DPP8: variants seen among roughly 807,000 people sequenced by gnomAD.
DPP8 encodes the protein dipeptidyl peptidase 8.
Under a neutral mutation model 107.5 loss-of-function variants are expected in DPP8, and 31 were observed. The ratio of observed to expected loss-of-function variants is 0.29; its 90% confidence interval spans 0.22 to 0.39. The LOEUF (loss-of-function observed/expected upper bound fraction) is 0.39, where lower values mean the gene tolerates loss of function less well. Among genes scored for constraint, DPP8 ranks in the 10% least tolerant of loss-of-function variants. The probability of loss-of-function intolerance (pLI) is 1.00; values close to 1 mark genes in which losing one functional copy is unlikely to be tolerated. For synonymous variants in DPP8, 381 were observed against 356.6 expected, an observed-to-expected ratio of 1.07 and a Z score of -0.77; for missense variants, 842 against 1,076.1, an observed-to-expected ratio of 0.78 and a Z score of 3.04.
At chr15:65,488,211 T>C (rs1180651449) in intron 6 of DPP8, among the ~76,000 whole-genome samples, 1 of 152,168 alleles carries the variant, frequency 6.6e-6, no homozygotes, top group Non-Finnish European at 1.5e-5. Flanking sequence ...TCTGTATTTA[T>C]GTAAAAATCA....
chr15:65,501,176 G>A (rs1338814477), intron 3 of DPP8, among the ~76,000 whole-genome samples: 3 of 151,792 alleles, frequency 2.0e-5, no homozygotes, highest in Non-Finnish European at 2.9e-5. Context: ...CGCGCCTGGC[G>A]ACTCTACATT....
In DPP8 at chr15:65,497,949, G is replaced by T. The variant is rs1265140763; in HGVS notation, c.630C>A (p.Asp210Glu). 1 of 1,611,792 alleles carries T rather than the reference G, an allele frequency of 6.2e-7. No homozygotes were observed. The highest frequency in any genetic ancestry group is 8.5e-7 in the Non-Finnish European group (1 of 1,178,530). Residue 210 changes from aspartate to glutamate, a missense_variant, in exon 5 of 20, where the codon GAC becomes GAA. By Grantham distance (45) the Asp-to-Glu change is conservative. Around this residue, in one of 2 missense-constraint regions of DPP8, gnomAD observed 663 missense variants for 758.0 expected, o/e 0.87. Transcript: ENST00000300141. ...MDPKLCPADP[D>E]WIAFIHSNDI... ...CGTTGCTATGTATAAAAGCAATCCA[G>T]TCTGGATCAGCAGGGCATAATTTTG... is the stretch of plus-strand genomic sequence containing the variant.
chr15:65,450,697 G>A (rs1435408532), intron 19 of DPP8: 4 of 196,452 alleles, frequency 2.0e-5, no homozygotes. Flanking sequence ...CCTTCAAAGT[G>A]GAAAAAGAAA....
intron 8 of DPP8, among the ~76,000 whole-genome samples, chr15:65,484,300 CG>C (rs1261988761): frequency 6.8e-6 from 1 of 147,968 alleles, no homozygotes; most frequent in African/African-American, 2.5e-5. Flanking sequence ...CACTCCAGCC[CG>C]GGTGACAGTG....
intron 16 of DPP8, chr15:65,455,950 G>GA: frequency 1.0e-6 from 1 of 988,140 alleles, no homozygotes; most frequent in South Asian, 1.5e-5. Flanking sequence ...ACAGGATGCT[G>GA]AAAGCTAAAT....
intron 5 of DPP8, among the ~76,000 whole-genome samples, chr15:65,497,570 T>C (rs576482885): frequency 1.3e-5 from 2 of 152,290 alleles, no homozygotes; most frequent in East Asian, 3.9e-4. Context: ...TTTATTTTAA[T>C]AAGAACAGTT....
At chr15:65,484,172 C>A (rs1451931115) in intron 8 of DPP8, among the ~76,000 whole-genome samples, 1 of 151,852 alleles carries the variant, frequency 6.6e-6, no homozygotes, top group Non-Finnish European at 1.5e-5. Context: ...ACTAAAAATA[C>A]AAAAAATTGG....
chr15:65,477,300 T>C lies in DPP8; in HGVS notation c.1456+1580A>G, dbSNP rs192468190. ...ATTCCAGCTACTCAGGAGGCTGAGG[T>C]AGGAGAATTGCTTGAACCCGGGAGG... On this transcript the variant is annotated intron_variant, in intron 11 of 19. Coordinates refer to ENST00000300141, the MANE Select transcript of DPP8 (RefSeq NM_130434.5). 4.4e-3 allele frequency among the ~76,000 whole-genome samples: 662 copies of C among 151,750 alleles called. 2 individuals are homozygous for C. The highest frequency in any genetic ancestry group is 7.3e-3 in the Non-Finnish European group (494 of 67,902).
chr15:65,479,820 T>C (rs386739), intron 10 of DPP8, among the ~76,000 whole-genome samples: 17,054 of 133,470 alleles, frequency 0.13, 1,721 homozygotes, highest in African/African-American at 0.31. Context: ...GTCCACAGTC[T>C]GGCCTGGGCG....
Position 65,507,234 on chromosome 15 carries a change from T to C in DPP8, c.372+9A>G, listed in dbSNP as rs2070150388. The C allele has an allele frequency of 4.6e-6, 7 of 1,523,318 alleles. No homozygotes were observed. The highest frequency in any genetic ancestry group is 6.3e-6 in the Non-Finnish European group (7 of 1,103,532). The allele number at this position is 1,523,318 out of a possible 1,614,324, so 94.4% of individuals were successfully genotyped here. ...ACCAAATCATAGGAATAACAACATT[T>C]AATCCTACCTGAAAAAGATCCAAAA... is the stretch of plus-strand genomic sequence containing the variant. On this transcript the variant is annotated intron_variant, in intron 3 of 19. Transcript: ENST00000300141.
chr15:65,453,021 A>G (rs1480943600), intron 17 of DPP8, among the ~76,000 whole-genome samples: 1 of 152,198 alleles, frequency 6.6e-6, no homozygotes, highest in Non-Finnish European at 1.5e-5. Flanking sequence ...CTGTAAAGTA[A>G]CATCATGTTA....
chr15:65,467,267 T>C lies in DPP8; in HGVS notation c.1537-44A>G, dbSNP rs1376341306. 1.9e-6 allele frequency: 3 copies of C among 1,598,748 alleles called. No individual in the cohort carries two copies. The South Asian group carries it at 3.3e-5, about 18-fold the overall frequency. On this transcript the variant is annotated intron_variant, in intron 12 of 19. Transcript: ENST00000300141. ...TAACAAAATCAGGGCTAACATGACC[T>C]TGGCAAAGCTAACCCCCAATTTTAT...
Position 65,444,246 on chromosome 15 carries a change from T to C in DPP8, c.*2638A>G, listed in dbSNP as rs545726162. 1 of 152,340 alleles carries C rather than the reference T, an allele frequency of 6.6e-6. No homozygotes were observed. The highest frequency in any genetic ancestry group is 6.5e-5 in the Admixed American group (1 of 15,306). 9.4% of individuals were successfully genotyped at this position (152,340 alleles called of 1,614,324 possible). A position where few individuals can be genotyped will look rare whatever the true frequency, so the allele number is the denominator to read the frequency against. On this transcript the variant is annotated 3_prime_UTR_variant, in exon 20 of 20. Transcript: ENST00000300141. The stretch of plus-strand genomic sequence containing the variant: ...GGAATACACATTTTTAAGAGTGAGA[T>C]TCAAAACTCTACATTTCTTTTAGAA...
At chr15:65,516,065 C>CT (rs2071408250) in intron 1 of DPP8, 1 of 365,284 alleles carries the variant, frequency 2.7e-6, no homozygotes, top group Admixed American at 4.6e-5. Flanking sequence ...CATGGAAAGG[C>CT]TTTAAAAAGT....
intron 7 of DPP8, among the ~76,000 whole-genome samples, chr15:65,485,486 G>C (rs1283676103): frequency 6.9e-6 from 1 of 145,922 alleles, no homozygotes; most frequent in East Asian, 2.1e-4. Flanking sequence ...GGAGAATGCA[G>C]TGAGCTGACA....
In DPP8 at chr15:65,462,834, C is replaced by T. The variant is rs531910437; in HGVS notation, c.1971+927G>A. ...GACCTTGTGATCTGCCCACCTCGGC[C>T]TCCCAAAGTGCTGGGATTACAGGCG... On this transcript the variant is annotated intron_variant, in intron 15 of 19. Transcript: ENST00000300141. Among the ~76,000 whole-genome samples the T allele has an allele frequency of 1.2e-4, 19 of 152,242 alleles. No individual in the cohort carries two copies. The East Asian group carries it at 3.7e-3, about 29-fold the overall frequency.
At chr15:65,448,874 A>ATATGTGTGTGTG (rs1555444643) in intron 19 of DPP8, among the ~76,000 whole-genome samples, 12 of 12,022 alleles carry the variant, frequency 1.0e-3, no homozygotes, top group African/African-American at 5.4e-3. Context: ...AAATATATAT[A>ATATGTGTGTGTG]TATATATATA....
intron 12 of DPP8, 89 bp downstream of exon 12, chr15:65,474,120 G>T: frequency 2.0e-6 from 2 of 986,460 alleles, no homozygotes; most frequent in East Asian, 2.5e-5. Flanking sequence ...AAAAAATACC[G>T]GGGTCATATT....
chr15:65,499,521 C>A (rs2068971293), intron 4 of DPP8, among the ~76,000 whole-genome samples: 2 of 152,000 alleles, frequency 1.3e-5, no homozygotes, highest in Admixed American at 1.3e-4. Context: ...CCATGCATGG[C>A]CTACTCTATC....
Sources: gnomAD v4.1 joint callset for allele counts (sites outside exome capture counted in the v4.1 genomes callset) on GRCh38, gnomAD v4.1.1 for gene constraint, gnomAD v4.1.1 regional missense constraint, MANE v1.5 for transcripts, NCBI Gene and HGNC (gene_info 2026-07-23, HGNC 2026-07-21) for gene names.